CTH: variants seen among roughly 807,000 people sequenced by gnomAD.
CTH encodes cystathionase (cystathionine gamma-lyase).
In CTH, 41 loss-of-function variants were observed where a neutral mutation model predicts 50.6. The observed-to-expected ratio is 0.81, with a 90% CI of 0.63 to 1.05. The LOEUF (loss-of-function observed/expected upper bound fraction) is 1.05, where lower values mean the gene tolerates loss of function less well. Among genes scored for constraint, CTH ranks in the 50% least tolerant of loss-of-function variants. The probability of loss-of-function intolerance (pLI) is 0.00; values close to 1 mark genes in which losing one functional copy is unlikely to be tolerated. For synonymous variants in CTH, 156 were observed against 168.9 expected (o/e 0.92, Z 0.59); for missense variants, 470 against 492.6 (o/e 0.95, Z 0.43).
chr1:70,416,168 T>C, intron 2 of CTH, 131 bp downstream of exon 2: 1 of 676,116 alleles, frequency 1.5e-6, no homozygotes, highest in Admixed American at 2.3e-5. Flanking sequence ...GCCTTTGAAT[T>C]CTTTGCCCAA....
At chr1:70,421,459 T>G in intron 3 of CTH, 107 bp from the exon 4 acceptor site, 1 of 1,185,766 alleles carries the variant, frequency 8.4e-7, no homozygotes, top group East Asian at 2.4e-5. Flanking sequence ...TGCATTTTCC[T>G]TGGTGACTGA....
intron 11 of CTH, 62 bp from the exon 12 acceptor site, chr1:70,439,039 A>G (rs1307251661): frequency 6.4e-7 from 1 of 1,552,898 alleles, no homozygotes; most frequent in Non-Finnish European, 8.9e-7. Flanking sequence ...GGACTTCTTG[A>G]GGAGTTGAAG....
Position 70,439,347 on chromosome 1 carries a change from A to G in CTH, c.*220A>G, listed in dbSNP as rs1684669723. The G allele has an allele frequency of 3.6e-6, 2 of 561,134 alleles. No homozygotes were observed. Among genetic ancestry groups the G allele is most frequent in the Non-Finnish European group, 6.3e-6 (2 of 316,704 alleles). The allele number at this position is 561,134 out of a possible 1,614,324, so 34.8% of individuals were successfully genotyped here. A position where few individuals can be genotyped will look rare whatever the true frequency, so the allele number is the denominator to read the frequency against. On this transcript the variant is annotated 3_prime_UTR_variant, in exon 12 of 12. Coordinates refer to ENST00000370938, the MANE Select transcript of CTH (RefSeq NM_001902.6). ...TCAATTCTGTTAATATCTTTTTGTTAATTTTGCTCTATGTTTGCCTCTGAA... is the reference window on the plus strand; with the variant it reads ...TCAATTCTGTTAATATCTTTTTGTTGATTTTGCTCTATGTTTGCCTCTGAA...
chr1:70,417,555 G>A (rs1684121614), intron 2 of CTH, among the ~76,000 whole-genome samples: 1 of 152,138 alleles, frequency 6.6e-6, no homozygotes, highest in Non-Finnish European at 1.5e-5. Context: ...AAAGTGCTGG[G>A]ATTATAGGCA....
intron 1 of CTH, 191 bp downstream of exon 1, chr1:70,411,774 A>ACTTCC: frequency 1.3e-6 from 1 of 799,934 alleles, no homozygotes; most frequent in Non-Finnish European, 1.5e-6. Flanking sequence ...TTCTTTTGAT[A>ACTTCC]AGCAGGACTG....
In CTH at chr1:70,411,452, C is replaced by A. The variant is rs747909709; in HGVS notation, c.37C>A (p.Pro13Thr). Residue 13 changes from proline (P) to threonine (T), a missense_variant, in exon 1 of 12, where the codon CCA becomes ACA. Pro to Thr is a conservative substitution (Grantham distance 38). Coordinates refer to ENST00000370938, the MANE Select transcript of CTH (RefSeq NM_001902.6). ...AGACGCCTCCTCACAAGGTTTCCTG[C>A]CACACTTCCAACATTTCGCCACGCA... ...EKDASSQGFL[P>T]HFQHFATQAI... The A allele has an allele frequency of 5.0e-6, 8 of 1,613,998 alleles. No individual in the cohort carries two copies. The highest frequency in any genetic ancestry group is 6.8e-6 in the Non-Finnish European group (8 of 1,179,996).
intron 9 of CTH, among the ~76,000 whole-genome samples, chr1:70,434,677 T>C (rs1310709293): frequency 6.6e-6 from 1 of 151,566 alleles, no homozygotes; most frequent in African/African-American, 2.4e-5. Context: ...GAAGTATGTA[T>C]AACTTGGGAA....
chr1:70,413,266 T>C (rs955399511), intron 1 of CTH, among the ~76,000 whole-genome samples: 2 of 151,546 alleles, frequency 1.3e-5, no homozygotes, highest in African/African-American at 4.8e-5. Context: ...TTTCTTTTTT[T>C]TTTTTTTTTA....
rs57429096 is a variant in CTH at position 70,422,609 on chromosome 1, C to CTTT, written c.456+952_456+954dup. Among the ~76,000 whole-genome samples the CTTT allele has an allele frequency of 1.7e-4, 22 of 127,156 alleles. 1 individual carries two copies. The highest frequency in any genetic ancestry group is 2.5e-4 in the South Asian group (1 of 3,966). 83.4% of individuals were successfully genotyped at this position (127,156 alleles called of 152,430 possible). A position where few individuals can be genotyped will look rare whatever the true frequency, so the allele number is the denominator to read the frequency against. ...TCACATTAAAATAGCTGGTCTGAGT[C>CTTT]TTTTTTTTTTTTTTTTTTTTGAGAC... is the stretch of plus-strand genomic sequence containing the variant. On this transcript the variant is annotated intron_variant, in intron 4 of 11. Coordinates refer to ENST00000370938, the MANE Select transcript of CTH (RefSeq NM_001902.6).
chr1:70,417,508 A>G (rs1684119588), intron 2 of CTH, among the ~76,000 whole-genome samples: 1 of 151,880 alleles, frequency 6.6e-6, no homozygotes, highest in Non-Finnish European at 1.5e-5. Flanking sequence ...TGGTCACGAA[A>G]TCTTGACCTC....
intron 3 of CTH, among the ~76,000 whole-genome samples, chr1:70,419,991 C>A (rs1011947015): frequency 2.4e-4 from 36 of 149,320 alleles, no homozygotes; most frequent in Middle Eastern, 3.5e-3. Context: ...CAGGGACCGG[C>A]GTGTTTTTTT....
Position 70,411,371 on chromosome 1 carries a change from A to G in CTH, c.-45A>G, listed in dbSNP as rs772711446. On this transcript the variant is annotated 5_prime_UTR_variant, in exon 1 of 12. Transcript: ENST00000370938. Reference sequence around the variant, plus strand: ...CCCGGACACCCGGCTTCGACTGGTTATATCTTCGGTGTTCTTTTCCTCTCT... The same window carrying G: ...CCCGGACACCCGGCTTCGACTGGTTGTATCTTCGGTGTTCTTTTCCTCTCT... The G allele has an allele frequency of 7.5e-6, 12 of 1,609,182 alleles. No individual in the cohort carries two copies. In the African/African-American group the frequency reaches 8.0e-5, roughly 11 times the overall value.
intron 10 of CTH, among the ~76,000 whole-genome samples, chr1:70,438,337 A>G (rs1001124098): frequency 6.6e-6 from 1 of 152,176 alleles, no homozygotes; most frequent in African/African-American, 2.4e-5. Flanking sequence ...GTCATGGAGT[A>G]CATGATTTCT....
At chr1:70,433,396 T>G (rs183175976) in intron 8 of CTH, among the ~76,000 whole-genome samples, 2 of 152,290 alleles carry the variant, frequency 1.3e-5, no homozygotes, top group East Asian at 1.9e-4. Context: ...TATTGGAGAT[T>G]TATTCAAGAA....
chr1:70,436,367 C>T (rs1469864679), intron 10 of CTH, among the ~76,000 whole-genome samples: 1 of 152,020 alleles, frequency 6.6e-6, no homozygotes, highest in Non-Finnish European at 1.5e-5. Flanking sequence ...TAATGATTAT[C>T]ATTTATTGAT....
chr1:70,430,482 G>A (rs17131305), intron 7 of CTH, 88 bp downstream of exon 7: 71,716 of 719,516 alleles, frequency 0.1, 5,087 homozygotes, highest in East Asian at 0.28. Flanking sequence ...TGAAGTGATG[G>A]CATTCTAATA....
intron 4 of CTH, among the ~76,000 whole-genome samples, chr1:70,422,426 AG>A: frequency 6.6e-6 from 1 of 152,336 alleles, no homozygotes. Context: ...AATGATTAAA[AG>A]GTTAGAATTG....
chr1:70,435,005 C>G (rs1453165386), intron 9 of CTH, 120 bp from the exon 10 acceptor site: 15 of 834,122 alleles, frequency 1.8e-5, no homozygotes, highest in Non-Finnish European at 2.2e-5. Flanking sequence ...CCTGACTTGG[C>G]CTCCCAAAGT....
intron 4 of CTH, among the ~76,000 whole-genome samples, chr1:70,422,061 A>G (rs551320827): frequency 3.3e-5 from 5 of 152,356 alleles, no homozygotes; most frequent in African/African-American, 1.2e-4. Flanking sequence ...TAATTGTTAA[A>G]AAAATTTCTA....
Sources: gnomAD v4.1 joint callset for allele counts (sites outside exome capture counted in the v4.1 genomes callset) on GRCh38, gnomAD v4.1.1 for gene constraint, MANE v1.5 for transcripts, NCBI Gene and HGNC (gene_info 2026-07-23, HGNC 2026-07-21) for gene names.